PARD3B: variants seen among roughly 807,000 people sequenced by gnomAD.
The protein encoded by PARD3B is par-3 family cell polarity regulator beta.
In PARD3B, 103 loss-of-function variants were observed where a neutral mutation model predicts 130.2. That is an observed-to-expected ratio of 0.79 (90% CI 0.67 to 0.93). The LOEUF (loss-of-function observed/expected upper bound fraction) is 0.93, where lower values mean the gene tolerates loss of function less well. Ranked by LOEUF, PARD3B falls within the 40% of genes least tolerant of loss-of-function variation. The pLI is 0.00. For missense variants in PARD3B, 1,609 were observed against 1,499.2 expected (o/e 1.07, Z -1.21); for synonymous variants, 583 against 553.2 (o/e 1.05, Z -0.76).
chr2:205,056,560 C>A (rs1699646067), intron 4 of PARD3B, among the ~76,000 whole-genome samples: 2 of 151,472 alleles, frequency 1.3e-5, no homozygotes, highest in African/African-American at 2.4e-5. Flanking sequence ...ACTGGAGAAT[C>A]CGAAGCCTTC....
At chr2:204,709,170 G>A (rs1005881685) in intron 2 of PARD3B, among the ~76,000 whole-genome samples, 1 of 152,090 alleles carries the variant, frequency 6.6e-6, no homozygotes, top group Admixed American at 6.6e-5. Flanking sequence ...TTCCAGAATT[G>A]TAAGGTAAAA....
At chr2:204,789,280 G>A (rs756724696) in intron 2 of PARD3B, among the ~76,000 whole-genome samples, 2 of 152,006 alleles carry the variant, frequency 1.3e-5, no homozygotes, top group African/African-American at 2.4e-5. Context: ...CGAAATCCTG[G>A]TTTCAGGTGA....
chr2:204,823,905 A>C (rs990951104), intron 2 of PARD3B, among the ~76,000 whole-genome samples: 6 of 151,264 alleles, frequency 4.0e-5, no homozygotes, highest in Admixed American at 6.6e-5. Context: ...ACACCTCTGC[A>C]CTCCAGCCTA....
rs528021511 is a variant in PARD3B, at chr2:204,807,987, A to G, written c.222+121705A>G. 1.6e-4 allele frequency among the ~76,000 whole-genome samples: 25 copies of G among 152,216 alleles called. No homozygotes were observed. In the South Asian group the frequency reaches 4.6e-3, roughly 28 times the overall value. ...ACTGGCATGTCTGTAACACAAAGAA[A>G]TGATAATTGCTTCAGGTGATGCATA... On this transcript the variant is annotated intron_variant, in intron 2 of 22. Coordinates refer to ENST00000406610, the MANE Select transcript of PARD3B (RefSeq NM_001302769.2).
intron 16 of PARD3B, among the ~76,000 whole-genome samples, chr2:205,277,642 A>G (rs34756401): frequency 0.57 from 87,222 of 151,810 alleles, 26,282 homozygotes; most frequent in Admixed American, 0.7. Context: ...CAGAGACCCA[A>G]TGGAGGAGGG....
chr2:205,066,803 A>G (rs557996269), intron 4 of PARD3B, among the ~76,000 whole-genome samples: 2 of 152,244 alleles, frequency 1.3e-5, no homozygotes, highest in South Asian at 2.1e-4. Flanking sequence ...GATGACTTAA[A>G]TCATCATTTA....
At chr2:205,570,834 G>A (rs2053535529) in intron 22 of PARD3B, among the ~76,000 whole-genome samples, 2 of 152,206 alleles carry the variant, frequency 1.3e-5, no homozygotes, top group Admixed American at 1.3e-4. Flanking sequence ...AAAGTAGAGA[G>A]GGAGAGGAGG....
At chr2:205,509,170 A>G (rs2050493354) in intron 21 of PARD3B, among the ~76,000 whole-genome samples, 1 of 152,176 alleles carries the variant, frequency 6.6e-6, no homozygotes, top group Non-Finnish European at 1.5e-5. Context: ...AAACTGTTCC[A>G]GAAGTCCATT....
Position 204,906,488 on chromosome 2 carries a change from G to A in PARD3B, c.223-58664G>A, listed in dbSNP as rs1283086238. Among the ~76,000 whole-genome samples the A allele has an allele frequency of 1.3e-5, 2 of 152,150 alleles. No individual in the cohort carries two copies. The highest frequency in any genetic ancestry group is 1.9e-4 in the East Asian group (1 of 5,184). ...GTGCCAGTTATATATATGGGCAGTA[G>A]ACCTTATTATTAACTAGAGAACACA... On this transcript the variant is annotated intron_variant, in intron 2 of 22. Transcript: ENST00000406610. This position sits in a 1 kb window ranked among gnomAD's most constrained non-coding sequence, Gnocchi z 4.3.
intron 1 of PARD3B, among the ~76,000 whole-genome samples, chr2:204,566,087 A>C (rs893955196): frequency 6.6e-6 from 1 of 152,242 alleles, no homozygotes; most frequent in African/African-American, 2.4e-5. Flanking sequence ...AAGCTAAGGC[A>C]TCAGTAGTGC....
At chr2:205,174,513 C>G (rs533705496) in intron 12 of PARD3B, among the ~76,000 whole-genome samples, 3 of 152,262 alleles carry the variant, frequency 2.0e-5, no homozygotes, top group Non-Finnish European at 4.4e-5. Flanking sequence ...AAAATTGCAA[C>G]TGTTTGATCT....
chr2:205,619,303 G>A lies in PARD3B; in HGVS notation c.*3490G>A, dbSNP rs1575501427. ...CCCCAAACCTGTAACCACTGCATTC[G>A]TTTTCTTTGGAGGAACATTGTAGCA... is the stretch of plus-strand genomic sequence containing the variant. On this transcript the variant is annotated 3_prime_UTR_variant, in exon 23 of 23. Transcript: ENST00000406610. The A allele has an allele frequency of 6.6e-6, 1 of 152,170 alleles. No individual in the cohort carries two copies. Among genetic ancestry groups the A allele is most frequent in the Non-Finnish European group, 1.5e-5 (1 of 68,030 alleles). The allele number at this position is 152,170 out of a possible 1,614,324, so 9.4% of individuals were successfully genotyped here. A position where few individuals can be genotyped will look rare whatever the true frequency, so the allele number is the denominator to read the frequency against.
At chr2:205,411,740 T>G (rs2046605986) in intron 19 of PARD3B, among the ~76,000 whole-genome samples, 1 of 152,092 alleles carries the variant, frequency 6.6e-6, no homozygotes. Flanking sequence ...TGCCAGATAC[T>G]TCCATTCAAG....
At chr2:205,199,484 C>CAT (rs554982055) in intron 15 of PARD3B, among the ~76,000 whole-genome samples, 1,568 of 151,702 alleles carry the variant, frequency 0.01, 20 homozygotes, top group African/African-American at 0.035. Flanking sequence ...CACACACACA[C>CAT]ACATATATAT....
chr2:204,853,707 C>T (rs2044803078), intron 2 of PARD3B, among the ~76,000 whole-genome samples: 1 of 152,150 alleles, frequency 6.6e-6, no homozygotes, highest in African/African-American at 2.4e-5. Context: ...ATTAACTGAG[C>T]ACTTTGTATG....
intron 2 of PARD3B, among the ~76,000 whole-genome samples, chr2:204,915,155 AAG>A (rs2047396478): frequency 6.6e-6 from 1 of 152,170 alleles, no homozygotes; most frequent in South Asian, 2.1e-4. Context: ...CCTTAATGGA[AAG>A]AGAGAACATT....
rs143542222 is a variant in PARD3B, at chr2:204,623,020, G to C, written c.121-63161G>C. Among the ~76,000 whole-genome samples, 2 of 152,086 alleles carry C rather than the reference G, an allele frequency of 1.3e-5. No homozygotes were observed. Among genetic ancestry groups the C allele is most frequent in the Middle Eastern group, 3.4e-3 (1 of 292 alleles). The stretch of plus-strand genomic sequence containing the variant: ...TTTGCTTAGGCAGTGCTTTGTCAGA[G>C]ATGGCAGACTATAAATTGGATCTTG... On this transcript the variant is annotated intron_variant, in intron 1 of 22. Transcript: ENST00000406610. This position sits in a 1 kb window ranked among gnomAD's most constrained non-coding sequence, Gnocchi z 4.5.
At chr2:204,880,715 C>T (rs1021523080) in intron 2 of PARD3B, among the ~76,000 whole-genome samples, 6 of 148,326 alleles carry the variant, frequency 4.0e-5, no homozygotes, top group Non-Finnish European at 5.9e-5. Flanking sequence ...CTGTTATCTC[C>T]AAGAAGTATC....
intron 14 of PARD3B, among the ~76,000 whole-genome samples, chr2:205,188,570 A>C (rs1247564114): frequency 6.6e-6 from 1 of 152,156 alleles, no homozygotes; most frequent in East Asian, 1.9e-4. Context: ...TGGAGAAGAA[A>C]GGGCAGAGAT....
Sources: allele counts gnomAD v4.1 joint callset (sites outside exome capture counted in the v4.1 genomes callset), GRCh38; gene constraint gnomAD v4.1.1; non-coding constraint Gnocchi (gnomAD v3.1); transcripts MANE v1.5; gene names NCBI Gene and HGNC (gene_info 2026-07-23, HGNC 2026-07-21).